Variants in RPL3L observed in about 807,000 individuals in gnomAD.
RPL3L encodes ribosomal protein uL3-like.
RPL3L carries 44 observed loss-of-function variants against 44.5 expected under a neutral mutation model. The observed-to-expected ratio is 0.99, with a 90% CI of 0.78 to 1.27. The LOEUF (loss-of-function observed/expected upper bound fraction) is 1.27. Among genes scored for constraint, RPL3L ranks in the 50% most tolerant of loss-of-function variants. The pLI is 0.00. For missense variants in RPL3L, 631 were observed against 569.1 expected, an observed-to-expected ratio of 1.11 and a Z score of -1.11; for synonymous variants, 292 against 230.7, an observed-to-expected ratio of 1.27 and a Z score of -2.41.
chr16:1,951,290 C>T (rs1422051007), intron 3 of RPL3L, among the ~76,000 whole-genome samples: 1 of 152,254 alleles, frequency 6.6e-6, no homozygotes, highest in Non-Finnish European at 1.5e-5. Context: ...ACCTAGAGAC[C>T]ACCCCACCTG....
chr16:1,952,667 C>T (rs572657706), intron 3 of RPL3L, among the ~76,000 whole-genome samples: 8 of 152,244 alleles, frequency 5.3e-5, no homozygotes, highest in Admixed American at 3.3e-4. Flanking sequence ...TGAGCCAGCA[C>T]GCCCAGCCTA....
intron 3 of RPL3L, 108 bp downstream of exon 3, chr16:1,952,766 G>A (rs542781924): frequency 4.2e-5 from 55 of 1,302,114 alleles, no homozygotes; most frequent in Middle Eastern, 5.3e-4. Context: ...TTGAGACTTC[G>A]CTTCCTACTC....
chr16:1,951,408 G>T lies in RPL3L; in HGVS notation c.366-429C>A, dbSNP rs1012565832. The stretch of plus-strand genomic sequence containing the variant: ...TTTCTTTTTTGTTTTTGGAGATAGG[G>T]TCTCACTTTCTCTCCCAGGCTGGAG... On this transcript the variant is annotated intron_variant, in intron 3 of 9. Coordinates refer to ENST00000268661, the MANE Select transcript of RPL3L (RefSeq NM_005061.3). 2.6e-5 allele frequency among the ~76,000 whole-genome samples: 4 copies of T among 151,996 alleles called. No individual in the cohort carries two copies. The South Asian group carries it at 6.2e-4, about 24-fold the overall frequency.
intron 4 of RPL3L, among the ~76,000 whole-genome samples, chr16:1,948,158 G>C (rs547704352): frequency 1.1e-4 from 17 of 151,802 alleles, no homozygotes; most frequent in Non-Finnish European, 1.8e-4. Flanking sequence ...CGGATGGTCT[G>C]CATCTCCTGA....
intron 3 of RPL3L, among the ~76,000 whole-genome samples, 198 bp downstream of exon 3, chr16:1,952,676 T>C (rs541696686): frequency 1.3e-5 from 2 of 152,124 alleles, no homozygotes; most frequent in African/African-American, 4.8e-5. Context: ...ACGCCCAGCC[T>C]ACTCATCTTT....
chr16:1,945,316 C>A (rs1261395107), intron 9 of RPL3L, among the ~76,000 whole-genome samples, 183 bp downstream of exon 9: 1 of 146,444 alleles, frequency 6.8e-6, no homozygotes, highest in African/African-American at 2.6e-5. Flanking sequence ...GATCACGGCA[C>A]AGCACTCCAG....
intron 3 of RPL3L, 70 bp from the exon 4 acceptor site, chr16:1,951,049 A>C (rs1597028793): frequency 6.4e-7 from 1 of 1,558,914 alleles, no homozygotes; most frequent in African/African-American, 1.4e-5. Context: ...TCCTGCCCCC[A>C]CCTCACCCCC....
intron 4 of RPL3L, among the ~76,000 whole-genome samples, chr16:1,947,775 C>G (rs995564718): frequency 6.6e-6 from 1 of 151,932 alleles, no homozygotes; most frequent in Non-Finnish European, 1.5e-5. Flanking sequence ...AGCAGGACCC[C>G]GCATTTGCAC....
chr16:1,947,419 G>T, intron 4 of RPL3L, 39 bp from the exon 5 acceptor site: 1 of 1,492,424 alleles, frequency 6.7e-7, no homozygotes, highest in Non-Finnish European at 8.9e-7. Flanking sequence ...CGGCCCACGG[G>T]ATCACACCCC....
intron 3 of RPL3L, among the ~76,000 whole-genome samples, chr16:1,952,336 A>G (rs1258406785): frequency 6.6e-6 from 1 of 151,522 alleles, no homozygotes; most frequent in Non-Finnish European, 1.5e-5. Context: ...CTCCATCCTG[A>G]TTTCATCTCC....
chr16:1,946,076 C>T (rs989039844), intron 7 of RPL3L, 146 bp from the exon 8 acceptor site: 9 of 630,534 alleles, frequency 1.4e-5, no homozygotes, highest in African/African-American at 9.2e-5. Flanking sequence ...ACTATCACGC[C>T]GCCCCTACTG....
Position 1,945,947 on chromosome 16 carries a change from T to G in RPL3L, c.952-17A>C. ...GAAGCCACCCTGCAGAGGACACAGGTCAGAGGCCAGGCCCGGAAAGGGCTT... is the reference window on the plus strand; with the variant it reads ...GAAGCCACCCTGCAGAGGACACAGGGCAGAGGCCAGGCCCGGAAAGGGCTT... On this transcript the variant is annotated splice_polypyrimidine_tract_variant and intron_variant, in intron 7 of 9. Coordinates refer to ENST00000268661, the MANE Select transcript of RPL3L (RefSeq NM_005061.3). The G allele has an allele frequency of 6.3e-7, 1 of 1,596,030 alleles. No individual in the cohort carries two copies. Among genetic ancestry groups the G allele is most frequent in the Non-Finnish European group, 8.5e-7 (1 of 1,170,178 alleles).
In RPL3L at chr16:1,953,058, G is replaced by A; in HGVS notation, c.197-16C>T. The A allele has an allele frequency of 1.9e-6, 3 of 1,577,972 alleles. No individual in the cohort carries two copies. Among genetic ancestry groups the A allele is most frequent in the South Asian group, 1.2e-5 (1 of 84,168 alleles). The stretch of plus-strand genomic sequence containing the variant: ...TTGGAAATTTCTGGATGAGACACAG[G>A]GATGGGGCATGAAGGGGGACCTCCT... On this transcript the variant is annotated splice_polypyrimidine_tract_variant and intron_variant, in intron 2 of 9. Coordinates refer to ENST00000268661, the MANE Select transcript of RPL3L (RefSeq NM_005061.3).
chr16:1,951,898 G>A (rs2083174216), intron 3 of RPL3L, among the ~76,000 whole-genome samples: 1 of 151,798 alleles, frequency 6.6e-6, no homozygotes, highest in African/African-American at 2.4e-5. Flanking sequence ...CACAATGGCT[G>A]CTAGGAAACT....
At chr16:1,947,121 G>A in intron 5 of RPL3L, 23 bp from the exon 6 acceptor site, 2 of 1,613,244 alleles carry the variant, frequency 1.2e-6, no homozygotes, top group Non-Finnish European at 1.7e-6. Flanking sequence ...GGGGCTGGTG[G>A]CTGAGAGGCC....
chr16:1,945,243 G>A (rs1224421714), intron 9 of RPL3L, among the ~76,000 whole-genome samples: 1 of 151,896 alleles, frequency 6.6e-6, no homozygotes, highest in African/African-American at 2.4e-5. Flanking sequence ...TAGTACCAAC[G>A]ACTGGGTAGG....
chr16:1,952,779 C>T (rs2083179089), intron 3 of RPL3L, 95 bp downstream of exon 3: 1 of 1,443,500 alleles, frequency 6.9e-7, no homozygotes, highest in Non-Finnish European at 9.5e-7. Context: ...TCCTACTCAC[C>T]CACACCTATC....
rs1332927269 is a variant in RPL3L at position 1,944,543 on chromosome 16, C to CAAA, written c.*291_*293dup. ...CTGGGCGACAAGATCAAGACTCTCT[C>CAAA]AAAAAAAAAAAAAAAAAAAACCTCT... On this transcript the variant is annotated 3_prime_UTR_variant, in exon 10 of 10. Transcript: ENST00000268661. 109 of 110,194 alleles carry CAAA rather than the reference C, an allele frequency of 9.9e-4. No homozygotes were observed. Among genetic ancestry groups the CAAA allele is most frequent in the South Asian group, 3.3e-3 (23 of 6,874 alleles). 6.8% of individuals were successfully genotyped at this position (110,194 alleles called of 1,614,324 possible).
intron 4 of RPL3L, among the ~76,000 whole-genome samples, chr16:1,949,036 G>C (rs934481364): frequency 7.2e-6 from 1 of 138,140 alleles, no homozygotes; most frequent in African/African-American, 2.9e-5. Flanking sequence ...TGTAGAGATG[G>C]GGATCTCCCT....
Sources: gnomAD v4.1 joint callset for allele counts (sites outside exome capture counted in the v4.1 genomes callset) on GRCh38, gnomAD v4.1.1 for gene constraint, MANE v1.5 for transcripts, NCBI Gene and HGNC (gene_info 2026-07-23, HGNC 2026-07-21) for gene names.